The following BTBD1 variants were observed in gnomAD, a reference collection of about 807,000 sequenced individuals.
BTBD1 encodes the protein BTB domain containing 1, also known as BTB/POZ domain-containing protein 1.
Under a neutral mutation model 48.0 loss-of-function variants are expected in BTBD1, and 34 were observed. The observed-to-expected ratio is 0.71, with a 90% confidence interval of 0.54 to 0.94. The LOEUF is 0.94. Ranked by LOEUF, BTBD1 falls within the 40% of genes least tolerant of loss-of-function variation. The probability of loss-of-function intolerance (pLI) is 0.00; values close to 1 mark genes in which losing one functional copy is unlikely to be tolerated. For synonymous variants in BTBD1, 261 were observed against 242.1 expected (o/e 1.08, Z -0.72); for missense variants, 543 against 625.6 (o/e 0.87, Z 1.41).
chr15:83,062,590 T>C (rs146817085), intron 1 of BTBD1, among the ~76,000 whole-genome samples: 49 of 152,330 alleles, frequency 3.2e-4, no homozygotes, highest in African/African-American at 9.6e-5. Context: ...TTAGGAACAA[T>C]CTATGGCACA....
At chr15:83,047,095 G>A (rs1305319248) in intron 3 of BTBD1, among the ~76,000 whole-genome samples, 2 of 152,170 alleles carry the variant, frequency 1.3e-5, no homozygotes, top group Non-Finnish European at 2.9e-5. Flanking sequence ...TGATAGAGTT[G>A]TACACGAGAC....
intron 3 of BTBD1, among the ~76,000 whole-genome samples, chr15:83,048,357 G>A (rs1047186797): frequency 6.6e-6 from 1 of 152,148 alleles, no homozygotes; most frequent in Non-Finnish European, 1.5e-5. Flanking sequence ...AGAATGTCAA[G>A]TAGACAGTTG....
At chr15:83,036,858 T>C (rs565380354) in intron 4 of BTBD1, among the ~76,000 whole-genome samples, 33 of 152,264 alleles carry the variant, frequency 2.2e-4, no homozygotes, top group African/African-American at 7.7e-4. Flanking sequence ...AGTTTACATA[T>C]GGACACAACT....
chr15:83,051,568 TAC>T (rs1457534060), intron 2 of BTBD1, among the ~76,000 whole-genome samples: 1 of 151,110 alleles, frequency 6.6e-6, no homozygotes, highest in African/African-American at 2.4e-5. Context: ...TCCTAGATTA[TAC>T]ACTGAGCCTG....
chr15:83,034,090 C>CAAA (rs748026027), intron 4 of BTBD1, among the ~76,000 whole-genome samples: 14 of 67,190 alleles, frequency 2.1e-4, no homozygotes, highest in African/African-American at 7.7e-4. Context: ...CTGTCTACAC[C>CAAA]AAAAAAAAAA....
At chr15:83,049,400 C>T (rs993797562) in intron 3 of BTBD1, among the ~76,000 whole-genome samples, 4 of 152,106 alleles carry the variant, frequency 2.6e-5, no homozygotes, top group South Asian at 2.1e-4. Flanking sequence ...TATAATGAAA[C>T]GACATTATTC....
At position 83,067,102 on chromosome 15, in the gene BTBD1, T is replaced by A. The variant is rs759637648; in HGVS notation, c.50A>T (p.Glu17Val). 54 of 1,493,964 alleles carry A rather than the reference T, an allele frequency of 3.6e-5. No homozygotes were observed. Among genetic ancestry groups the A allele is most frequent in the Non-Finnish European group, 4.4e-5 (50 of 1,129,254 alleles). The allele number at this position is 1,493,964 out of a possible 1,614,324, so 92.5% of individuals were successfully genotyped here. A position where few individuals can be genotyped will look rare whatever the true frequency, so the allele number is the denominator to read the frequency against. Residue 17 changes from glutamate to valine, a missense_variant, in exon 1 of 8, where the codon GAG (glutamate) becomes GTG (valine). Around this residue, in one of 3 missense-constraint regions of BTBD1, gnomAD observed 173 missense variants for 163.9 expected, o/e 1.06. Transcript: ENST00000261721. ...CGGCCCCGCGGGGCCCGGCTCCGCC[T>A]CAGCCCCCGACGCCTGCTCCCCAGC... is the stretch of plus-strand genomic sequence containing the variant. The part of the protein sequence containing the change: ...AAAGEQASGA[E>V]AEPGPAGPPP...
rs1423355433 is a variant in BTBD1 at position 83,066,663 on chromosome 15, G to C, written c.401+88C>G. The C allele has an allele frequency of 3.2e-6, 4 of 1,257,180 alleles. No homozygotes were observed. The African/African-American group carries it at 6.3e-5, about 20-fold the overall frequency. 77.9% of individuals were successfully genotyped at this position (1,257,180 alleles called of 1,614,324 possible). On this transcript the variant is annotated intron_variant, in intron 1 of 7. Transcript: ENST00000261721. ...GAAGAGCCCAGCCCAAGGTCATCCG[G>C]GAGTCCGGGTAGGCCGGGCCCCGGG...
chr15:83,060,731 T>C (rs575543328), intron 1 of BTBD1, among the ~76,000 whole-genome samples: 3 of 152,160 alleles, frequency 2.0e-5, no homozygotes, highest in South Asian at 2.1e-4. Flanking sequence ...CAAGCGGAGA[T>C]TGGGTAAGCC....
At chr15:83,056,660 C>A in intron 1 of BTBD1, 115 bp from the exon 2 acceptor site, 1 of 867,388 alleles carries the variant, frequency 1.2e-6, no homozygotes, top group Non-Finnish European at 1.7e-6. Context: ...TGTTTTCATC[C>A]ATCCATCCAC....
At chr15:83,055,957 G>C (rs2033074346) in intron 2 of BTBD1, among the ~76,000 whole-genome samples, 1 of 151,676 alleles carries the variant, frequency 6.6e-6, no homozygotes, top group African/African-American at 2.4e-5. Context: ...GCTTTTTTTT[G>C]TGATGGAGTC....
chr15:83,053,287 T>C (rs1305523823), intron 2 of BTBD1, among the ~76,000 whole-genome samples: 2 of 152,196 alleles, frequency 1.3e-5, no homozygotes, highest in Non-Finnish European at 2.9e-5. Flanking sequence ...TCAGTTCAAA[T>C]GACTCACTTA....
chr15:83,041,256 T>C (rs2032753583), intron 4 of BTBD1, among the ~76,000 whole-genome samples: 1 of 151,910 alleles, frequency 6.6e-6, no homozygotes, highest in Non-Finnish European at 1.5e-5. Context: ...CTATACAATG[T>C]GGATAATATA....
chr15:83,062,161 A>G (rs2033186501), intron 1 of BTBD1, among the ~76,000 whole-genome samples: 1 of 128,104 alleles, frequency 7.8e-6, no homozygotes, highest in Admixed American at 7.7e-5. Context: ...TGTACCTGCT[A>G]AAGTGTTTAA....
intron 2 of BTBD1, among the ~76,000 whole-genome samples, chr15:83,053,296 T>C (rs550661082): frequency 6.6e-6 from 1 of 152,314 alleles, no homozygotes; most frequent in African/African-American, 2.4e-5. Flanking sequence ...ATGACTCACT[T>C]AGCAGGAACA....
chr15:83,043,987 G>A (rs977812103), intron 3 of BTBD1, among the ~76,000 whole-genome samples: 15 of 152,168 alleles, frequency 9.9e-5, no homozygotes, highest in African/African-American at 3.4e-4. Context: ...GTTCAGAAGA[G>A]AAAGGGGCTT....
chr15:83,040,090 T>G (rs1051504720), intron 4 of BTBD1, among the ~76,000 whole-genome samples: 1 of 151,988 alleles, frequency 6.6e-6, no homozygotes, highest in Non-Finnish European at 1.5e-5. Flanking sequence ...GCAACATGGA[T>G]GCAGCTAGAA....
chr15:83,064,428 T>C (rs1327695510), intron 1 of BTBD1, among the ~76,000 whole-genome samples: 1 of 151,612 alleles, frequency 6.6e-6, no homozygotes, highest in African/African-American at 2.4e-5. Context: ...AAAAAAAAAA[T>C]TGCACTGTCC....
chr15:83,018,102 C>T lies in BTBD1; in HGVS notation c.1414G>A (p.Asp472Asn). Residue 472 changes from aspartate (D) to asparagine (N), a missense_variant, in exon 8 of 8, where the codon GAT (aspartate) becomes AAT (asparagine). Physicochemically the swap from Asp to Asn is conservative, Grantham distance 23. This residue lies in a region of BTBD1 where 300 missense variants were observed against 350.0 expected (regional missense o/e 0.86). Transcript: ENST00000261721. ...AATATGATTTCTGGAATTTGTCCATCTTCTATTGAAGTGCCATTATTATTG... is the reference window on the plus strand; with the variant it reads ...AATATGATTTCTGGAATTTGTCCATTTTCTATTGAAGTGCCATTATTATTG... ...PGNNNGTSIE[D>N]GQIPEIIFYT 1 of 1,607,682 alleles carries T rather than the reference C, an allele frequency of 6.2e-7. No homozygotes were observed. Among genetic ancestry groups the T allele is most frequent in the Non-Finnish European group, 8.5e-7 (1 of 1,176,618 alleles).
Sources: allele counts gnomAD v4.1 joint callset (sites outside exome capture counted in the v4.1 genomes callset), GRCh38; gene constraint gnomAD v4.1.1; regional missense constraint gnomAD v4.1.1; transcripts MANE v1.5; gene names NCBI Gene and HGNC (gene_info 2026-07-23, HGNC 2026-07-21).